Variants in LPL observed in about 807,000 individuals in gnomAD.
LPL encodes the protein lipoprotein lipase.
LPL carries 43 observed loss-of-function variants against 52.2 expected under a neutral mutation model. The observed-to-expected ratio is 0.82, with a 90% CI of 0.64 to 1.06. LPL has a LOEUF of 1.06. Among genes scored for constraint, LPL ranks in the 50% least tolerant of loss-of-function variants. The probability of loss-of-function intolerance (pLI) is 0.00; values close to 1 mark genes in which losing one functional copy is unlikely to be tolerated. For missense variants in LPL, 639 were observed against 585.3 expected, an observed-to-expected ratio of 1.09 and a Z score of -0.95; for synonymous variants, 244 against 215.6, an observed-to-expected ratio of 1.13 and a Z score of -1.15.
intron 1 of LPL, among the ~76,000 whole-genome samples, chr8:19,940,216 G>T (rs945105800): frequency 1.4e-4 from 21 of 152,350 alleles, no homozygotes; most frequent in Non-Finnish European, 2.9e-4. Flanking sequence ...TTCCAGGCTC[G>T]CATGCCCCTC....
intron 1 of LPL, among the ~76,000 whole-genome samples, chr8:19,942,495 A>G (rs2069849378): frequency 6.6e-6 from 1 of 152,210 alleles, no homozygotes; most frequent in Non-Finnish European, 1.5e-5. Context: ...AAAACAACAA[A>G]AACACTTATC....
intron 6 of LPL, among the ~76,000 whole-genome samples, chr8:19,957,104 A>G (rs368382806): frequency 6.6e-6 from 1 of 152,162 alleles, no homozygotes; most frequent in Non-Finnish European, 1.5e-5. Context: ...AAATGCAACT[A>G]TTCCTGGAAG....
In LPL at chr8:19,950,918, G is replaced by GAAGC; in HGVS notation, c.250-848_250-847insCAAG. ...GGAATGAAGGAAGGAAGGAAGGAATGAAGGAAGGAAGGAAGGGAGGGAGGA... is the reference window on the plus strand; with the variant it reads ...GGAATGAAGGAAGGAAGGAAGGAATGAAGCAAGGAAGGAAGGAAGGGAGGGAGGA... On this transcript the variant is annotated intron_variant, in intron 2 of 9. Coordinates refer to ENST00000650287, the MANE Select transcript of LPL (RefSeq NM_000237.3). This position sits in a 1 kb window ranked among gnomAD's most constrained non-coding sequence, Gnocchi z 4.2. 7.5e-6 allele frequency among the ~76,000 whole-genome samples: 1 copy of GAAGC among 133,308 alleles called. No homozygotes were observed. Among genetic ancestry groups the GAAGC allele is most frequent in the Non-Finnish European group, 1.8e-5 (1 of 56,256 alleles). The allele number at this position is 133,308 out of a possible 152,430, so 87.5% of individuals were successfully genotyped here. A position where few individuals can be genotyped will look rare whatever the true frequency, so the allele number is the denominator to read the frequency against.
chr8:19,958,842 G>C (rs1284562605), intron 6 of LPL, among the ~76,000 whole-genome samples: 1 of 152,184 alleles, frequency 6.6e-6, no homozygotes, highest in African/African-American at 2.4e-5. Context: ...GTGACATATA[G>C]TGACACAGAA....
At chr8:19,945,804 A>G (rs1433498729) in intron 1 of LPL, among the ~76,000 whole-genome samples, 1 of 152,198 alleles carries the variant, frequency 6.6e-6, no homozygotes, top group Non-Finnish European at 1.5e-5. Context: ...TAAAATGTCA[A>G]TTTGGCAAAT....
chr8:19,948,116 T>G, intron 1 of LPL, 64 bp from the exon 2 acceptor site: 1 of 1,542,202 alleles, frequency 6.5e-7, no homozygotes, highest in South Asian at 1.1e-5. Context: ...CTAAAACATA[T>G]CATTCCAATG....
Position 19,966,371 on chromosome 8 carries a change from G to A in LPL, c.*1061G>A, listed in dbSNP as rs998205888. 2.6e-5 allele frequency: 4 copies of A among 152,228 alleles called. No individual in the cohort carries two copies. Among genetic ancestry groups the A allele is most frequent in the East Asian group, 1.9e-4 (1 of 5,184 alleles). The allele number at this position is 152,228 out of a possible 1,614,324, so 9.4% of individuals were successfully genotyped here. On this transcript the variant is annotated 3_prime_UTR_variant, in exon 10 of 10. Coordinates refer to ENST00000650287, the MANE Select transcript of LPL (RefSeq NM_000237.3). Reference sequence around the variant, plus strand: ...ACCGTTTTTACTAAGTAAAAGGGTGGAGAGGTTCCTGGGGTGGATTCCTAA... The same window carrying A: ...ACCGTTTTTACTAAGTAAAAGGGTGAAGAGGTTCCTGGGGTGGATTCCTAA...
intron 1 of LPL, among the ~76,000 whole-genome samples, chr8:19,946,133 G>A (rs2069879940): frequency 6.6e-6 from 1 of 152,156 alleles, no homozygotes; most frequent in Non-Finnish European, 1.5e-5. Flanking sequence ...AAGATGAGAA[G>A]TAGAGCATAT....
rs762546050 is a variant in LPL at position 19,959,242 on chromosome 8, G to C, written c.1019-18G>C. ...TTCATAAAGATTGATCAACATGTTC[G>C]AATTTCCTCCCCAACAGTCTTCCAT... On this transcript the variant is annotated intron_variant, in intron 6 of 9. Transcript: ENST00000650287. 1 of 1,613,948 alleles carries C rather than the reference G, an allele frequency of 6.2e-7. No homozygotes were observed. The highest frequency in any genetic ancestry group is 1.3e-5 in the African/African-American group (1 of 75,008).
At chr8:19,940,898 C>G (rs1255915441) in intron 1 of LPL, among the ~76,000 whole-genome samples, 2 of 152,074 alleles carry the variant, frequency 1.3e-5, no homozygotes, top group African/African-American at 4.8e-5. Context: ...CGAAATCAGC[C>G]TGGGCAACAT....
rs897164454 is a variant in LPL at position 19,948,224 on chromosome 8, A to C, written c.133A>C (p.Thr45Pro). 6.2e-7 allele frequency: 1 copy of C among 1,614,070 alleles called. No homozygotes were observed. The highest frequency in any genetic ancestry group is 8.5e-7 in the Non-Finnish European group (1 of 1,180,014). The change falls in exon 2 of 10, where the codon ACC (threonine) becomes CCC (proline). Residue 45 changes from threonine (T) to proline (P), a missense_variant. By Grantham distance (38) the Thr-to-Pro change is conservative. Transcript: ENST00000650287. ...CATCGAAAGTAAATTTGCCCTAAGGACCCCTGAAGACACAGCTGAGGACAC... is the reference window on the plus strand; with the variant it reads ...CATCGAAAGTAAATTTGCCCTAAGGCCCCCTGAAGACACAGCTGAGGACAC... ...IDIESKFALR[T>P]PEDTAEDTCH... is the part of the protein sequence containing the mutation.
intron 8 of LPL, 132 bp from the exon 9 acceptor site, chr8:19,961,983 A>C: frequency 1.4e-6 from 1 of 713,690 alleles, no homozygotes; most frequent in Non-Finnish European, 2.6e-6. Context: ...GTGACAGTTA[A>C]TTATTGGGAA....
chr8:19,965,511 G>T lies in LPL; in HGVS notation c.*201G>T, dbSNP rs774883455. On this transcript the variant is annotated 3_prime_UTR_variant, in exon 10 of 10. Coordinates refer to ENST00000650287, the MANE Select transcript of LPL (RefSeq NM_000237.3). ...AAAAAGTGGCTAATTCAATTTATGG[G>T]GTATAGTGGCCAAATAGCACATCCT... is the stretch of plus-strand genomic sequence containing the variant. The T allele has an allele frequency of 1.8e-5, 10 of 561,906 alleles. No individual in the cohort carries two copies. The highest frequency in any genetic ancestry group is 3.2e-5 in the Non-Finnish European group (10 of 315,284). 34.8% of individuals were successfully genotyped at this position (561,906 alleles called of 1,614,324 possible).
chr8:19,961,168 T>C, intron 8 of LPL, 85 bp downstream of exon 8: 1 of 1,186,450 alleles, frequency 8.4e-7, no homozygotes, highest in Admixed American at 1.9e-5. Flanking sequence ...GCCTTCACAA[T>C]TCAGGGAGAG....
At chr8:19,960,247 C>T (rs1042702410) in intron 7 of LPL, among the ~76,000 whole-genome samples, 5 of 152,178 alleles carry the variant, frequency 3.3e-5, no homozygotes, top group South Asian at 2.1e-4. Flanking sequence ...CCTCCAGGTG[C>T]GGAAGGTAGT....
chr8:19,940,695 C>T (rs1178093033), intron 1 of LPL, among the ~76,000 whole-genome samples: 1 of 152,226 alleles, frequency 6.6e-6, no homozygotes, highest in Non-Finnish European at 1.5e-5. Context: ...CGGCACGTCC[C>T]CAGCGGTTCA....
chr8:19,953,564 G>C, intron 4 of LPL, 143 bp downstream of exon 4: 2 of 683,506 alleles, frequency 2.9e-6, no homozygotes, highest in South Asian at 3.0e-5. Context: ...TCTCATTGTA[G>C]GGCTCTTTAT....
At chr8:19,965,196 GT>G in intron 9 of LPL, 113 bp from the exon 10 acceptor site, 1 of 738,716 alleles carries the variant, frequency 1.4e-6, no homozygotes. Flanking sequence ...CACAACCTTT[GT>G]TCTGAAATTC....
At chr8:19,956,151 T>C (rs1279594603) in intron 6 of LPL, 68 bp downstream of exon 6, 2 of 1,600,186 alleles carry the variant, frequency 1.2e-6, no homozygotes, top group South Asian at 1.1e-5. Flanking sequence ...CTGCATCACA[T>C]GTACTGATTC....
Sources: allele counts gnomAD v4.1 joint callset (sites outside exome capture counted in the v4.1 genomes callset), GRCh38; gene constraint gnomAD v4.1.1; non-coding constraint Gnocchi (gnomAD v3.1); transcripts MANE v1.5; gene names NCBI Gene and HGNC (gene_info 2026-07-23, HGNC 2026-07-21).